Variants in ARRB2 observed in about 807,000 individuals in gnomAD.
The protein encoded by ARRB2 is beta-arrestin-2.
ARRB2 carries 21 observed loss-of-function variants against 53.4 expected under a neutral mutation model. The observed-to-expected ratio is 0.39, with a 90% CI of 0.28 to 0.57. ARRB2 has a LOEUF of 0.57. ARRB2 is among the 20% of genes least tolerant of loss of function. The probability of loss-of-function intolerance (pLI) is 0.55; values close to 1 mark genes in which losing one functional copy is unlikely to be tolerated. For missense variants in ARRB2, 369 were observed against 527.5 expected, an observed-to-expected ratio of 0.70 and a Z score of 2.94; for synonymous variants, 180 against 212.9, an observed-to-expected ratio of 0.85 and a Z score of 1.34.
intron 10 of ARRB2, 153 bp downstream of exon 10, chr17:4,718,837 A>G (rs945864019): frequency 5.3e-5 from 42 of 794,352 alleles, no homozygotes; most frequent in Non-Finnish European, 6.0e-5. Context: ...CCTGGAGTGC[A>G]ATGGGGCAAC....
chr17:4,716,380 T>C (rs1428262723), intron 4 of ARRB2, 32 bp from the exon 5 acceptor site: 24 of 1,613,910 alleles, frequency 1.5e-5, no homozygotes, highest in Non-Finnish European at 2.0e-5. Context: ...GAAGTGGGGC[T>C]CCTGACCACT....
rs1331345514 is a variant in ARRB2, at chr17:4,721,021, T to C, written c.1212T>C (p.Tyr404=). The change falls in exon 15 of 15, where the codon TAT becomes TAC. Residue 404 remains tyrosine, a synonymous_variant. Coordinates refer to ENST00000269260, the MANE Select transcript of ARRB2 (RefSeq NM_004313.4). The surrounding 1 kb of genome is among the most constrained non-coding windows in gnomAD (Gnocchi z 4.2). ...TGAAGGGGATGAAGGATGACGACTA[T>C]GATGATCAACTCTGCTAGGAAGCGG... ...LRLKGMKDDD[Y]DDQLC is the part of the protein sequence containing the mutation. 6.2e-7 allele frequency: 1 copy of C among 1,613,796 alleles called. No individual in the cohort carries two copies. Among genetic ancestry groups the C allele is most frequent in the Non-Finnish European group, 8.5e-7 (1 of 1,179,890 alleles).
chr17:4,717,312 G>C lies in ARRB2; in HGVS notation c.417+36G>C, dbSNP rs1288211367. The stretch of plus-strand genomic sequence containing the variant: ...AACAGCTCTGAGGGCTCCTAGGGCA[G>C]GACATGGGCCAGCAGGAGCCTGGAG... On this transcript the variant is annotated intron_variant, in intron 6 of 14. Transcript: ENST00000269260. This position sits in a 1 kb window ranked among gnomAD's most constrained non-coding sequence, Gnocchi z 6.0. The C allele has an allele frequency of 3.1e-6, 5 of 1,609,850 alleles. No homozygotes were observed. Among genetic ancestry groups the C allele is most frequent in the Non-Finnish European group, 4.3e-6 (5 of 1,176,174 alleles).
chr17:4,711,723 C>A (rs1914429392), intron 1 of ARRB2, among the ~76,000 whole-genome samples: 1 of 152,116 alleles, frequency 6.6e-6, no homozygotes, highest in South Asian at 2.1e-4. Flanking sequence ...GTTTAAACAT[C>A]CCAGAGAAAG....
In ARRB2 at chr17:4,720,959, G is replaced by A; in HGVS notation, c.1150G>A (p.Asp384Asn). Reference protein sequence around the residue: ...IEFDTNYATDDDIVFEDFARL... With the variant: ...IEFDTNYATDNDIVFEDFARL... ...CCCACCACCAAGCTATGCCACAGAT[G>A]ATGACATTGTGTTTGAGGACTTTGC... Residue 384 changes from aspartate (D) to asparagine (N), a missense_variant, in exon 15 of 15, where the codon GAT (aspartate) becomes AAT (asparagine). Asp to Asn is a conservative substitution (Grantham distance 23). Coordinates refer to ENST00000269260, the MANE Select transcript of ARRB2 (RefSeq NM_004313.4). 1 of 1,614,010 alleles carries A rather than the reference G, an allele frequency of 6.2e-7. No individual in the cohort carries two copies. Among genetic ancestry groups the A allele is most frequent in the Non-Finnish European group, 8.5e-7 (1 of 1,179,950 alleles).
intron 14 of ARRB2, 30 bp from the exon 15 acceptor site, chr17:4,720,916 C>T (rs1915636977): frequency 2.5e-6 from 4 of 1,606,444 alleles, no homozygotes; most frequent in Non-Finnish European, 3.4e-6. Flanking sequence ...CAGAAGCCCT[C>T]ACCTCACAAC....
intron 8 of ARRB2, 93 bp downstream of exon 8, chr17:4,718,116 G>A (rs1915264514): frequency 1.3e-6 from 2 of 1,579,830 alleles, no homozygotes; most frequent in Non-Finnish European, 1.7e-6. Flanking sequence ...TTGTAAAGGA[G>A]GTTGCCTTGG....
Position 4,717,045 on chromosome 17 carries a change from G to A in ARRB2, c.358-172G>A, listed in dbSNP as rs1053272053. 2.7e-5 allele frequency: 20 copies of A among 727,738 alleles called. No homozygotes were observed. In the African/African-American group the frequency reaches 2.8e-4, roughly 10 times the overall value. 45.1% of individuals were successfully genotyped at this position (727,738 alleles called of 1,614,324 possible). A position where few individuals can be genotyped will look rare whatever the true frequency, so the allele number is the denominator to read the frequency against. On this transcript the variant is annotated intron_variant, in intron 5 of 14. Transcript: ENST00000269260. The surrounding 1 kb of genome is among the most constrained non-coding windows in gnomAD (Gnocchi z 6.0). ...GATGGGGTTTTGCCACGTTGGTCAG[G>A]CTGGTCTGGAACCCCTGACCTCAGG...
Position 4,720,374 on chromosome 17 carries a change from T to A in ARRB2, c.1002-19T>A. On this transcript the variant is annotated intron_variant, in intron 12 of 14. Transcript: ENST00000269260. ...TCCCATGTCGTCGTCCTCTTCACGATGCCTCTCCCCTTCCCCAGGGATGTC... is the reference window on the plus strand; with the variant it reads ...TCCCATGTCGTCGTCCTCTTCACGAAGCCTCTCCCCTTCCCCAGGGATGTC... The A allele has an allele frequency of 6.2e-7, 1 of 1,613,788 alleles. No individual in the cohort carries two copies. The highest frequency in any genetic ancestry group is 1.1e-5 in the South Asian group (1 of 91,052).
At chr17:4,716,648 G>T in intron 5 of ARRB2, 40 bp downstream of exon 5, 2 of 1,544,696 alleles carry the variant, frequency 1.3e-6, no homozygotes. Flanking sequence ...GGGGGCTGGG[G>T]CTGGGACTGT....
chr17:4,720,529 G>A, intron 13 of ARRB2, 57 bp downstream of exon 13: 1 of 1,583,372 alleles, frequency 6.3e-7, no homozygotes, highest in Non-Finnish European at 8.6e-7. Context: ...AGGGCCAGTG[G>A]AGGAAAACTG....
At chr17:4,718,561 G>A in intron 9 of ARRB2, 51 bp from the exon 10 acceptor site, 1 of 1,580,076 alleles carries the variant, frequency 6.3e-7, no homozygotes, top group Non-Finnish European at 8.6e-7. Flanking sequence ...TTGTGGTGTG[G>A]TGGTGGCTTG....
chr17:4,714,020 C>T (rs1188930978), intron 1 of ARRB2, among the ~76,000 whole-genome samples: 2 of 152,200 alleles, frequency 1.3e-5, no homozygotes, highest in African/African-American at 4.8e-5. Flanking sequence ...CAGTGCTGGG[C>T]ATGGAGTAGT....
intron 2 of ARRB2, 83 bp downstream of exon 2, chr17:4,715,126 C>T: frequency 6.8e-7 from 1 of 1,479,460 alleles, no homozygotes; most frequent in Non-Finnish European, 9.2e-7. Flanking sequence ...CCCCAACCTA[C>T]CCAAAGATGA....
chr17:4,715,283 G>C (rs1210655203), intron 2 of ARRB2: 1 of 543,274 alleles, frequency 1.8e-6, no homozygotes, highest in Non-Finnish European at 3.2e-6. Flanking sequence ...GACCACAGAG[G>C]AGGAGGCCAA....
At chr17:4,714,521 G>C in intron 1 of ARRB2, 1 of 216,418 alleles carries the variant, frequency 4.6e-6, no homozygotes, top group Admixed American at 5.4e-5. Flanking sequence ...GCCATTACTG[G>C]GGAGGGAAGG....
intron 1 of ARRB2, among the ~76,000 whole-genome samples, chr17:4,712,349 G>A (rs937111242): frequency 1.2e-4 from 18 of 152,236 alleles, no homozygotes; most frequent in Non-Finnish European, 1.5e-5. Flanking sequence ...GGGAAGAAGG[G>A]GCAAGTGAAG....
intron 2 of ARRB2, chr17:4,715,379 C>T: frequency 2.6e-6 from 1 of 387,058 alleles, no homozygotes. Flanking sequence ...GGGCTATGGC[C>T]TATTTATCCT....
intron 2 of ARRB2, chr17:4,715,653 G>A (rs1211584561): frequency 3.2e-5 from 13 of 404,036 alleles, no homozygotes; most frequent in Admixed American, 1.2e-4. Context: ...AGACACACAT[G>A]CACATACATG....
Sources: allele counts gnomAD v4.1 joint callset (sites outside exome capture counted in the v4.1 genomes callset), GRCh38; gene constraint gnomAD v4.1.1; non-coding constraint Gnocchi (gnomAD v3.1); transcripts MANE v1.5; gene names NCBI Gene and HGNC (gene_info 2026-07-23, HGNC 2026-07-21).